Variants in PNPLA1 observed in about 807,000 individuals in gnomAD.
The protein encoded by PNPLA1 is omega-hydroxyceramide transacylase.
Under a neutral mutation model 51.7 loss-of-function variants are expected in PNPLA1, and 36 were observed. The ratio of observed to expected loss-of-function variants is 0.70; its 90% confidence interval spans 0.53 to 0.92. The LOEUF (loss-of-function observed/expected upper bound fraction) is 0.92, where lower values mean the gene tolerates loss of function less well. Among genes scored for constraint, PNPLA1 ranks in the 40% least tolerant of loss-of-function variants. PNPLA1 has a pLI of 0.00. For synonymous variants in PNPLA1, 293 were observed against 280.1 expected (o/e 1.05, Z -0.46); for missense variants, 658 against 682.5 (o/e 0.96, Z 0.40).
chr6:36,297,987 C>T (rs541644421), intron 5 of PNPLA1, among the ~76,000 whole-genome samples: 1 of 152,284 alleles, frequency 6.6e-6, no homozygotes, highest in African/African-American at 2.4e-5. Context: ...CCCTCACCCC[C>T]CGCCATTCCC....
chr6:36,313,138 G>C lies in PNPLA1; in HGVS notation c.*1252G>C, dbSNP rs1391779721. Among the ~76,000 whole-genome samples the C allele has an allele frequency of 6.6e-6, 1 of 152,168 alleles. No homozygotes were observed. Among genetic ancestry groups the C allele is most frequent in the Non-Finnish European group, 1.5e-5 (1 of 68,022 alleles). On this transcript the variant is annotated 3_prime_UTR_variant, in exon 9 of 9. Transcript: ENST00000636260. ...TGGTGCTGTGGTGTTGAGACAGGCT[G>C]CCCTGGAGTCCTGGGTGGCTGTAGA...
At position 36,257,875 on chromosome 6, in the gene PNPLA1, G is replaced by T. The variant is rs548837168; in HGVS notation, c.-81+14614G>T. Among the ~76,000 whole-genome samples the T allele has an allele frequency of 3.3e-5, 5 of 152,202 alleles. No homozygotes were observed. The South Asian group carries it at 1.0e-3, about 32-fold the overall frequency. On this transcript the variant is annotated intron_variant, in intron 1 of 7. Coordinates refer to the PNPLA1 transcript ENST00000312917. Reference sequence around the variant, plus strand: ...AGTGTAGGAACTCTGGATTTCTTTTGTTCTTCTGAAAAGTATTACTGTTTG... The same window carrying T: ...AGTGTAGGAACTCTGGATTTCTTTTTTTCTTCTGAAAAGTATTACTGTTTG...
intron 1 of PNPLA1, among the ~76,000 whole-genome samples, chr6:36,244,403 G>GT (rs1769218677): frequency 6.6e-6 from 1 of 151,540 alleles, no homozygotes; most frequent in African/African-American, 2.4e-5. Context: ...GGCACTGAGG[G>GT]TTTTGTTTTT....
At chr6:36,275,398 GT>G (rs1770060576) in intron 1 of PNPLA1, among the ~76,000 whole-genome samples, 1 of 152,106 alleles carries the variant, frequency 6.6e-6, no homozygotes, top group Non-Finnish European at 1.5e-5. Flanking sequence ...TATAATTTGT[GT>G]TTTAAAATAT....
Position 36,293,081 on chromosome 6 carries a change from C to G in PNPLA1, c.459C>G (p.Phe153Leu). ...CACAGGCCCTATACTGCAGCTGCTT[C>G]GTCCCGGTGTACTGTGGCCTCATCC... is the stretch of plus-strand genomic sequence containing the variant. The part of the protein sequence containing the change: ...ELIEALYCSC[F>L]VPVYCGLIPP... Residue 153 changes from phenylalanine (F) to leucine (L), a missense_variant, in exon 3 of 9, where the codon TTC becomes TTG. Transcript: ENST00000636260. 6.2e-7 allele frequency: 1 copy of G among 1,613,540 alleles called. No homozygotes were observed. Among genetic ancestry groups the G allele is most frequent in the South Asian group, 1.1e-5 (1 of 91,048 alleles).
chr6:36,280,772 A>C (rs2127332681), intron 1 of PNPLA1, among the ~76,000 whole-genome samples: 1 of 152,050 alleles, frequency 6.6e-6, no homozygotes, highest in South Asian at 2.1e-4. Context: ...ATTGTATTTA[A>C]TATTGGGCTT....
intron 8 of PNPLA1, among the ~76,000 whole-genome samples, chr6:36,309,246 G>A (rs1364420652): frequency 6.6e-6 from 1 of 152,202 alleles, no homozygotes; most frequent in Non-Finnish European, 1.5e-5. Context: ...CTTTCTGGAT[G>A]ACAGGTAGGT....
intron 1 of PNPLA1, among the ~76,000 whole-genome samples, chr6:36,250,457 T>A (rs973927916): frequency 2.6e-5 from 4 of 152,050 alleles, no homozygotes; most frequent in Non-Finnish European, 5.9e-5. Flanking sequence ...AGTTATTGGG[T>A]GTTAGATTTT....
chr6:36,307,510 C>A, intron 7 of PNPLA1, 77 bp from the exon 8 acceptor site: 1 of 1,542,984 alleles, frequency 6.5e-7, no homozygotes, highest in Non-Finnish European at 8.8e-7. Context: ...TGTCCACCTG[C>A]GGAGCTGAGC....
At chr6:36,266,171 G>A (rs184400503), upstream of PNPLA1, among the ~76,000 whole-genome samples, 6 of 152,320 alleles carry the variant, frequency 3.9e-5, no homozygotes, top group East Asian at 1.9e-4. Context: ...GCTCCAACGA[G>A]CCTTGAGATG....
At chr6:36,282,237 A>AAGGAAG (rs1323005773) in intron 1 of PNPLA1, among the ~76,000 whole-genome samples, 7 of 32,132 alleles carry the variant, frequency 2.2e-4, no homozygotes, top group African/African-American at 2.9e-4. Flanking sequence ...AAGGAAGGAA[A>AAGGAAG]GAAAGAAAGA....
chr6:36,312,776 C>T lies in PNPLA1; in HGVS notation c.*890C>T, dbSNP rs1484798495. Among the ~76,000 whole-genome samples, 1 of 152,230 alleles carries T rather than the reference C, an allele frequency of 6.6e-6. No individual in the cohort carries two copies. ...TCCTGCGATCCTTTCAACCCTTCCA[C>T]TACCCTACTCTGGACAGACTGATGG... On this transcript the variant is annotated 3_prime_UTR_variant, in exon 9 of 9. Coordinates refer to ENST00000636260, the MANE Select transcript of PNPLA1 (RefSeq NM_001374623.1).
chr6:36,290,961 C>T (rs1770657918), intron 1 of PNPLA1, among the ~76,000 whole-genome samples: 1 of 152,172 alleles, frequency 6.6e-6, no homozygotes, highest in Non-Finnish European at 1.5e-5. Flanking sequence ...AGTGGACTTC[C>T]AGGCAGAGTG....
At chr6:36,262,543 A>G (rs925889840) in intron 1 of PNPLA1, among the ~76,000 whole-genome samples, 3 of 152,224 alleles carry the variant, frequency 2.0e-5, no homozygotes, top group Admixed American at 2.0e-4. Context: ...ACAACACAAG[A>G]GGCTAGCAGT....
At chr6:36,243,990 T>G (rs1769203300) in intron 1 of PNPLA1, among the ~76,000 whole-genome samples, 1 of 152,186 alleles carries the variant, frequency 6.6e-6, no homozygotes, top group Admixed American at 6.5e-5. Flanking sequence ...GCCCCTTTCC[T>G]GCACAGATTG....
chr6:36,267,361 G>A (rs1769783859), upstream of PNPLA1, among the ~76,000 whole-genome samples: 1 of 152,230 alleles, frequency 6.6e-6, no homozygotes, highest in Non-Finnish European at 1.5e-5. Flanking sequence ...AGACCAGTCT[G>A]CCAGGCTCAG....
At chr6:36,265,482 T>C (rs1769741536), upstream of PNPLA1, among the ~76,000 whole-genome samples, 1 of 152,242 alleles carries the variant, frequency 6.6e-6, no homozygotes, top group South Asian at 2.1e-4. Context: ...AATTAAGTTT[T>C]CAGAATTTTC....
At chr6:36,252,233 C>G (rs1769435529) in intron 1 of PNPLA1, among the ~76,000 whole-genome samples, 1 of 152,168 alleles carries the variant, frequency 6.6e-6, no homozygotes, top group Non-Finnish European at 1.5e-5. Flanking sequence ...CCAGTTCCAG[C>G]TGGCAGATCC....
rs1275201961 is a variant in PNPLA1, at chr6:36,282,097, G to A, written c.206-9223G>A. 1.3e-3 allele frequency among the ~76,000 whole-genome samples: 164 copies of A among 130,508 alleles called. 1 individual carries two copies. The highest frequency in any genetic ancestry group is 4.4e-3 in the African/African-American group (144 of 32,986). The allele number at this position is 130,508 out of a possible 152,430, so 85.6% of individuals were successfully genotyped here. ...AGAAAGAAAGAAAGAAAGAAGGAAG[G>A]AAGGAAGGAAGGAAGGAAGGAAGGA... On this transcript the variant is annotated intron_variant, in intron 1 of 8. Coordinates refer to ENST00000636260, the MANE Select transcript of PNPLA1 (RefSeq NM_001374623.1).
Sources: gnomAD v4.1 joint callset for allele counts (sites outside exome capture counted in the v4.1 genomes callset) on GRCh38, gnomAD v4.1.1 for gene constraint, MANE v1.5 for transcripts, NCBI Gene and HGNC (gene_info 2026-07-23, HGNC 2026-07-21) for gene names.